Variants in KLHL24 observed in about 807,000 individuals in gnomAD.
The protein encoded by KLHL24 is kelch like family member 24.
Under a neutral mutation model 53.4 loss-of-function variants are expected in KLHL24, and 29 were observed. The observed-to-expected ratio is 0.54, with a 90% confidence interval of 0.40 to 0.74. The LOEUF is 0.74. Ranked by LOEUF, KLHL24 falls within the 30% of genes least tolerant of loss-of-function variation. The probability of loss-of-function intolerance (pLI) is 0.00; values close to 1 mark genes in which losing one functional copy is unlikely to be tolerated. For missense variants in KLHL24, 504 were observed against 744.0 expected, an observed-to-expected ratio of 0.68 and a Z score of 3.75; for synonymous variants, 222 against 253.7, an observed-to-expected ratio of 0.88 and a Z score of 1.19.
At chr3:183,674,394 CTT>C (rs1011499260) in intron 7 of KLHL24, among the ~76,000 whole-genome samples, 3 of 151,038 alleles carry the variant, frequency 2.0e-5, no homozygotes, top group African/African-American at 7.3e-5. Context: ...GAGTTTCACT[CTT>C]GTCACCCAGG....
chr3:183,637,989 G>C (rs1321082127), intron 1 of KLHL24, among the ~76,000 whole-genome samples: 1 of 152,172 alleles, frequency 6.6e-6, no homozygotes, highest in East Asian at 1.9e-4. Context: ...AAGGAAGTTT[G>C]AGCTCCCCTG....
chr3:183,665,610 G>A (rs1720423039), intron 5 of KLHL24, among the ~76,000 whole-genome samples: 1 of 151,964 alleles, frequency 6.6e-6, no homozygotes, highest in South Asian at 2.1e-4. Flanking sequence ...ATAAGCTGGG[G>A]TTGGTGGCGG....
chr3:183,676,910 G>GT (rs57502556), intron 7 of KLHL24, among the ~76,000 whole-genome samples: 213 of 139,448 alleles, frequency 1.5e-3, no homozygotes, highest in Middle Eastern at 3.8e-3. Context: ...GGGTTTTTTG[G>GT]TTTTTTTTTT....
intron 1 of KLHL24, among the ~76,000 whole-genome samples, chr3:183,641,196 T>C (rs1190307973): frequency 6.6e-6 from 1 of 152,190 alleles, no homozygotes; most frequent in Non-Finnish European, 1.5e-5. Context: ...GGTTATTTTT[T>C]AAATAAAAGA....
At chr3:183,647,896 C>T (rs948899651) in intron 2 of KLHL24, among the ~76,000 whole-genome samples, 1 of 152,116 alleles carries the variant, frequency 6.6e-6, no homozygotes, top group Non-Finnish European at 1.5e-5. Context: ...ATCCCAGTTA[C>T]TCGGGAGGCT....
At chr3:183,665,768 TA>T (rs937726808) in intron 5 of KLHL24, among the ~76,000 whole-genome samples, 35 of 151,454 alleles carry the variant, frequency 2.3e-4, no homozygotes, top group African/African-American at 8.3e-4. Context: ...AAAATAAAAA[TA>T]AAAAAACTCA....
chr3:183,661,755 A>G (rs1719833113), intron 3 of KLHL24, among the ~76,000 whole-genome samples: 1 of 152,250 alleles, frequency 6.6e-6, no homozygotes, highest in African/African-American at 2.4e-5. Flanking sequence ...AAGGGAAAGT[A>G]TAAACCAAGT....
At chr3:183,674,284 T>TTTCTTTCC (rs1434309693) in intron 7 of KLHL24, among the ~76,000 whole-genome samples, 2 of 151,038 alleles carry the variant, frequency 1.3e-5, no homozygotes, top group African/African-American at 4.9e-5. Flanking sequence ...TCTTTCTTTC[T>TTTCTTTCC]TTCTTTCTTT....
In KLHL24 at chr3:183,683,419, C is replaced by T. The variant is rs895374435; in HGVS notation, c.*4133C>T. 3 of 152,576 alleles carry T rather than the reference C, an allele frequency of 2.0e-5. No homozygotes were observed. The highest frequency in any genetic ancestry group is 7.2e-5 in the African/African-American group (3 of 41,432). 9.5% of individuals were successfully genotyped at this position (152,576 alleles called of 1,614,324 possible). On this transcript the variant is annotated 3_prime_UTR_variant, in exon 8 of 8. Transcript: ENST00000242810. ...AAGCCAGGTTTACATCACCTCACCC[C>T]ATTATTCTTTTTAGTTAAATAAATT...
intron 3 of KLHL24, among the ~76,000 whole-genome samples, chr3:183,654,464 T>C (rs912592830): frequency 6.6e-6 from 1 of 152,040 alleles, no homozygotes; most frequent in African/African-American, 2.4e-5. Flanking sequence ...TCAAATTTTA[T>C]ATATCTTATT....
At chr3:183,644,034 C>CTTTTTTTTTTTTTTTTTTTT (rs397955282) in intron 2 of KLHL24, 4 of 76,108 alleles carry the variant, frequency 5.3e-5, no homozygotes, top group African/African-American at 2.4e-4. Flanking sequence ...TTTTTCTTTC[C>CTTTTTTTTTTTTTTTTTTTT]TTTTTTTTTT....
At chr3:183,669,062 T>C (rs1179928835) in intron 5 of KLHL24, among the ~76,000 whole-genome samples, 1 of 152,210 alleles carries the variant, frequency 6.6e-6, no homozygotes, top group Non-Finnish European at 1.5e-5. Context: ...CTTTTCTTAA[T>C]CTAGAGGCCT....
chr3:183,682,839 C>T lies in KLHL24; in HGVS notation c.*3553C>T, dbSNP rs1238461890. The T allele has an allele frequency of 6.6e-6, 1 of 152,056 alleles. No homozygotes were observed. The highest frequency in any genetic ancestry group is 1.5e-5 in the Non-Finnish European group (1 of 67,972). The allele number at this position is 152,056 out of a possible 1,614,324, so 9.4% of individuals were successfully genotyped here. On this transcript the variant is annotated 3_prime_UTR_variant, in exon 8 of 8. Transcript: ENST00000242810. ...AGATTTTTTAAATTGCTGTGAGAAC[C>T]CATATATGAAAAGAGAGGAGTTGAA...
intron 3 of KLHL24, among the ~76,000 whole-genome samples, chr3:183,660,613 A>G (rs1352968613): frequency 1.3e-5 from 2 of 152,042 alleles, no homozygotes; most frequent in Non-Finnish European, 2.9e-5. Context: ...TTAGTTTCTG[A>G]TGATAAATTC....
intron 3 of KLHL24, among the ~76,000 whole-genome samples, chr3:183,652,271 T>C (rs1042932327): frequency 3.9e-5 from 6 of 152,344 alleles, no homozygotes; most frequent in East Asian, 1.9e-4. Context: ...AAAATACTTA[T>C]CGATTTTAAT....
At chr3:183,641,265 C>A (rs958016972) in intron 1 of KLHL24, among the ~76,000 whole-genome samples, 4 of 151,956 alleles carry the variant, frequency 2.6e-5, no homozygotes, top group Non-Finnish European at 4.4e-5. Flanking sequence ...GAGGTCGAGG[C>A]GGGTGGATCA....
At chr3:183,655,563 G>C (rs1718732162) in intron 3 of KLHL24, among the ~76,000 whole-genome samples, 1 of 152,086 alleles carries the variant, frequency 6.6e-6, no homozygotes, top group African/African-American at 2.4e-5. Flanking sequence ...TAGGAGTTTG[G>C]GGTTACAGTG....
intron 2 of KLHL24, among the ~76,000 whole-genome samples, chr3:183,643,844 A>G (rs1454018573): frequency 2.6e-5 from 4 of 152,104 alleles, no homozygotes; most frequent in Admixed American, 6.6e-5. Flanking sequence ...TTGTCTAGAG[A>G]TGCCTACTTA....
At chr3:183,646,895 C>T (rs55853328) in intron 2 of KLHL24, among the ~76,000 whole-genome samples, 50,477 of 151,158 alleles carry the variant, frequency 0.33, 9,264 homozygotes, top group African/African-American at 0.49. Context: ...CTGCAAGCTC[C>T]ACCTCCCAGG....
Sources: gnomAD v4.1 joint callset for allele counts (sites outside exome capture counted in the v4.1 genomes callset) on GRCh38, gnomAD v4.1.1 for gene constraint, MANE v1.5 for transcripts, NCBI Gene and HGNC (gene_info 2026-07-23, HGNC 2026-07-21) for gene names.